The following QKI variants were observed in gnomAD, a reference collection of about 807,000 sequenced individuals.
QKI encodes QKI, KH domain containing RNA binding.
A neutral mutation model predicts 39.0 loss-of-function variants in QKI; 10 were observed. The ratio of observed to expected loss-of-function variants is 0.26; its 90% CI spans 0.16 to 0.43. QKI has a LOEUF of 0.43. Among genes scored for constraint, QKI ranks in the 20% least tolerant of loss-of-function variants. The pLI, the probability that QKI is intolerant of heterozygous loss-of-function variation, is 1.00. For synonymous variants in QKI, 204 were observed against 155.4 expected, an observed-to-expected ratio of 1.31 and a Z score of -2.33; for missense variants, 218 against 428.0, an observed-to-expected ratio of 0.51 and a Z score of 4.33.
chr6:163,564,440 ATTC>A (rs1783227583), intron 6 of QKI: 1 of 1,400,968 alleles, frequency 7.1e-7, no homozygotes, highest in Non-Finnish European at 9.3e-7. Flanking sequence ...CTGTAGTTGT[ATTC>A]TTAAGATTTT....
At chr6:163,567,633 T>C (rs1783444232) in intron 7 of QKI, 2 of 984,886 alleles carry the variant, frequency 2.0e-6, no homozygotes, top group South Asian at 9.4e-5. Context: ...TAAATTATTT[T>C]TGCTTATTGA....
chr6:163,565,124 G>T (rs1357191790), intron 6 of QKI: 3 of 1,008,272 alleles, frequency 3.0e-6, no homozygotes, highest in Non-Finnish European at 3.6e-6. Flanking sequence ...TTGCAGGTCA[G>T]AATTATACCA....
intron 1 of QKI, among the ~76,000 whole-genome samples, chr6:163,426,641 A>G (rs1424805571): frequency 6.6e-6 from 1 of 152,186 alleles, no homozygotes; most frequent in Non-Finnish European, 1.5e-5. Flanking sequence ...TTGCACCATG[A>G]TGATACTTTA....
chr6:163,502,043 C>T (rs961789314), intron 3 of QKI, among the ~76,000 whole-genome samples: 2 of 152,082 alleles, frequency 1.3e-5, no homozygotes, highest in Non-Finnish European at 2.9e-5. Flanking sequence ...TATATTCTTG[C>T]CGGGCATGGT....
At position 163,574,738 on chromosome 6, in the gene QKI, ATACT is replaced by A. The variant is rs1291738577; in HGVS notation, c.*4030_*4033del. The A allele has an allele frequency of 6.6e-6, 1 of 152,116 alleles. No homozygotes were observed. The highest frequency in any genetic ancestry group is 2.4e-5 in the African/African-American group (1 of 41,410). The allele number at this position is 152,116 out of a possible 1,614,324, so 9.4% of individuals were successfully genotyped here. ...AGGTGCATTTTTATTTCACAGATTG[ATACT>A]TGCTTTTTTCTGTGAAACAGTTCTC... On this transcript the variant is annotated 3_prime_UTR_variant, in exon 8 of 8. Transcript: ENST00000361752.
chr6:163,436,536 A>T (rs1345392744), intron 1 of QKI, among the ~76,000 whole-genome samples: 1 of 152,148 alleles, frequency 6.6e-6, no homozygotes, highest in Non-Finnish European at 1.5e-5. Flanking sequence ...AGAAATGGCA[A>T]GGTGCGGTGG....
At chr6:163,442,554 T>C (rs1374217822) in intron 1 of QKI, among the ~76,000 whole-genome samples, 2 of 152,136 alleles carry the variant, frequency 1.3e-5, no homozygotes, top group Admixed American at 1.3e-4. Flanking sequence ...TAGGAAATGA[T>C]TGTGGTTAGA....
chr6:163,520,690 T>C (rs1780097775), intron 3 of QKI, among the ~76,000 whole-genome samples: 1 of 152,210 alleles, frequency 6.6e-6, no homozygotes, highest in Admixed American at 6.5e-5. Context: ...TTCAATGCTT[T>C]CAAGTTATTA....
chr6:163,429,938 C>A lies in QKI; in HGVS notation c.142+14603C>A, dbSNP rs1025355842. On this transcript the variant is annotated intron_variant, in intron 1 of 7. Transcript: ENST00000361752. ...ATAAGAGTAACAAAGGAAATAGAAA[C>A]ATACCAAGAAGACTAAAGACTGGTG... Among the ~76,000 whole-genome samples the A allele has an allele frequency of 5.3e-5, 8 of 152,082 alleles. No individual in the cohort carries two copies. The South Asian group carries it at 1.7e-3, about 32-fold the overall frequency.
chr6:163,463,026 G>A (rs1791461605), intron 2 of QKI, among the ~76,000 whole-genome samples: 1 of 152,196 alleles, frequency 6.6e-6, no homozygotes, highest in Non-Finnish European at 1.5e-5. Flanking sequence ...GTGATTATCT[G>A]AAATGATACA....
chr6:163,433,993 A>G (rs1413451343), intron 1 of QKI, among the ~76,000 whole-genome samples: 2 of 152,204 alleles, frequency 1.3e-5, no homozygotes, highest in African/African-American at 4.8e-5. Context: ...TGTGATTGAT[A>G]ATATTGATTT....
At chr6:163,545,880 G>A (rs1781838052) in intron 4 of QKI, among the ~76,000 whole-genome samples, 1 of 151,432 alleles carries the variant, frequency 6.6e-6, no homozygotes. Flanking sequence ...TTTTGCATTT[G>A]TAAAGGAAGT....
intron 4 of QKI, among the ~76,000 whole-genome samples, chr6:163,538,168 G>A (rs1781313667): frequency 6.6e-6 from 1 of 152,190 alleles, no homozygotes; most frequent in Non-Finnish European, 1.5e-5. Flanking sequence ...GTTAGACACT[G>A]TGACAGCTGT....
chr6:163,536,572 GAT>G (rs1457152654), intron 4 of QKI, among the ~76,000 whole-genome samples: 1 of 152,100 alleles, frequency 6.6e-6, no homozygotes, highest in Non-Finnish European at 1.5e-5. Flanking sequence ...GGATCAACTG[GAT>G]ATTGTTAGCG....
At chr6:163,490,871 G>T (rs967513287) in intron 3 of QKI, among the ~76,000 whole-genome samples, 1 of 152,068 alleles carries the variant, frequency 6.6e-6, no homozygotes, top group Non-Finnish European at 1.5e-5. Context: ...CTTGTGTTAG[G>T]ATAAAATCTT....
chr6:163,507,941 T>C (rs73246607), intron 3 of QKI, among the ~76,000 whole-genome samples: 3,128 of 151,728 alleles, frequency 0.021, 111 homozygotes, highest in African/African-American at 0.072. Flanking sequence ...AAGGACAAAA[T>C]ACAGAAAGAC....
At chr6:163,528,508 G>T (rs1028862292) in intron 3 of QKI, among the ~76,000 whole-genome samples, 1 of 152,154 alleles carries the variant, frequency 6.6e-6, no homozygotes, top group African/African-American at 2.4e-5. Context: ...ATGTTGGTAA[G>T]ACTGATAGTC....
intron 6 of QKI, chr6:163,566,317 TA>T (rs1339731860): frequency 1.7e-6 from 2 of 1,195,056 alleles, no homozygotes; most frequent in Non-Finnish European, 2.1e-6. Flanking sequence ...TTTTAAGTGA[TA>T]AACTCTTGAA....
intron 3 of QKI, among the ~76,000 whole-genome samples, chr6:163,514,329 A>G (rs1779663892): frequency 6.6e-6 from 1 of 152,198 alleles, no homozygotes; most frequent in East Asian, 1.9e-4. Flanking sequence ...GGAAAATGCA[A>G]CAAACAGCTT....
Sources: allele counts gnomAD v4.1 joint callset (sites outside exome capture counted in the v4.1 genomes callset), GRCh38; gene constraint gnomAD v4.1.1; transcripts MANE v1.5; gene names NCBI Gene and HGNC (gene_info 2026-07-23, HGNC 2026-07-21).